Variants in SRGAP3 observed in about 807,000 individuals in gnomAD.
The protein encoded by SRGAP3 is SLIT-ROBO Rho GTPase activating protein 3, also known as SLIT-ROBO Rho GTPase-activating protein 3.
In SRGAP3, 39 loss-of-function variants were observed where a neutral mutation model predicts 121.1. The ratio of observed to expected loss-of-function variants is 0.32; its 90% CI spans 0.25 to 0.42. The LOEUF is 0.42. Among genes scored for constraint, SRGAP3 ranks in the 10% least tolerant of loss-of-function variants. SRGAP3 has a pLI of 1.00. For missense variants in SRGAP3, 1,213 were observed against 1,470.6 expected (o/e 0.82, Z 2.86); for synonymous variants, 601 against 570.0 (o/e 1.05, Z -0.77).
intron 1 of SRGAP3, among the ~76,000 whole-genome samples, chr3:9,148,996 A>T (rs1950118221): frequency 6.6e-6 from 1 of 152,090 alleles, no homozygotes; most frequent in African/African-American, 2.4e-5. Flanking sequence ...CAGGCAGATC[A>T]CAAGGTCGGG....
chr3:9,109,028 G>A lies in SRGAP3; in HGVS notation c.261-4186C>T, dbSNP rs1453090944. Among the ~76,000 whole-genome samples, 8 of 152,210 alleles carry A rather than the reference G, an allele frequency of 5.3e-5. No individual in the cohort carries two copies. The highest frequency in any genetic ancestry group is 7.4e-5 in the Non-Finnish European group (5 of 68,022). On this transcript the variant is annotated intron_variant, in intron 2 of 21. Transcript: ENST00000383836. The surrounding 1 kb of genome is among the most constrained non-coding windows in gnomAD (Gnocchi z 4.4). ...AACTGAGATAAGAACTGCAAGGGGAGCAGTAGGTTTGGACAGAAAATGCAT... is the reference window on the plus strand; with the variant it reads ...AACTGAGATAAGAACTGCAAGGGGAACAGTAGGTTTGGACAGAAAATGCAT...
At chr3:9,110,374 T>G (rs1560169857) in intron 2 of SRGAP3, among the ~76,000 whole-genome samples, 1 of 152,138 alleles carries the variant, frequency 6.6e-6, no homozygotes, top group Non-Finnish European at 1.5e-5. Flanking sequence ...TGGAGCTATC[T>G]GGGCTGGAGA....
At chr3:9,230,141 C>T (rs972507518) in intron 1 of SRGAP3, among the ~76,000 whole-genome samples, 12 of 152,210 alleles carry the variant, frequency 7.9e-5, no homozygotes, top group African/African-American at 2.9e-4. Flanking sequence ...GAGTGCCAGG[C>T]ACTGTGCTAA....
chr3:9,175,690 C>T (rs1248559911), intron 1 of SRGAP3, among the ~76,000 whole-genome samples: 1 of 152,230 alleles, frequency 6.6e-6, no homozygotes, highest in Admixed American at 6.5e-5. Flanking sequence ...GGAGTTGAGC[C>T]TGTGCCAGGT....
intron 1 of SRGAP3, among the ~76,000 whole-genome samples, chr3:9,192,076 T>C (rs1042956001): frequency 6.6e-6 from 1 of 152,188 alleles, no homozygotes; most frequent in East Asian, 1.9e-4. Context: ...TATTCCTTTA[T>C]AGCAATGCAA....
chr3:8,985,506 C>A lies in SRGAP3; in HGVS notation c.*13G>T, dbSNP rs1219413773. On this transcript the variant is annotated 3_prime_UTR_variant, in exon 22 of 22. Coordinates refer to ENST00000383836, the MANE Select transcript of SRGAP3 (RefSeq NM_014850.4). This position sits in a 1 kb window ranked among gnomAD's most constrained non-coding sequence, Gnocchi z 5.1. ...GCCACAGCGGGCCACGGCGGCGCGG[C>A]CCATCCTGCAGGTCACATGGTGCCC... 3 of 1,598,348 alleles carry A rather than the reference C, an allele frequency of 1.9e-6. No individual in the cohort carries two copies. The highest frequency in any genetic ancestry group is 2.7e-5 in the African/African-American group (2 of 74,962).
chr3:9,336,827 C>A (rs531694091), intron 1 of SRGAP3, among the ~76,000 whole-genome samples: 2 of 152,206 alleles, frequency 1.3e-5, no homozygotes, highest in South Asian at 4.1e-4. Flanking sequence ...AGAAACAGAA[C>A]CAATAAAATG....
chr3:9,015,997 G>A (rs1329868194), intron 14 of SRGAP3: 1 of 501,834 alleles, frequency 2.0e-6, no homozygotes. Flanking sequence ...TGCCACATTT[G>A]ATTTCTCGCT....
At chr3:9,020,837 G>A (rs1043540200) in intron 14 of SRGAP3, among the ~76,000 whole-genome samples, 1 of 152,332 alleles carries the variant, frequency 6.6e-6, no homozygotes, top group Middle Eastern at 3.4e-3. Context: ...AGGCAAATCT[G>A]AAGGAAAGAC....
intron 1 of SRGAP3, among the ~76,000 whole-genome samples, chr3:9,222,460 T>C (rs368376503): frequency 7.9e-5 from 12 of 152,296 alleles, no homozygotes; most frequent in Admixed American, 5.2e-4. Flanking sequence ...ATAAAATCCA[T>C]GTATTTCTAC....
intron 1 of SRGAP3, among the ~76,000 whole-genome samples, chr3:9,179,417 G>C (rs1211408801): frequency 6.6e-6 from 1 of 152,156 alleles, no homozygotes; most frequent in Non-Finnish European, 1.5e-5. Flanking sequence ...GGAAAGTAGA[G>C]GTAATAATAG....
chr3:9,240,548 C>T (rs1953592463), intron 1 of SRGAP3, among the ~76,000 whole-genome samples: 1 of 152,092 alleles, frequency 6.6e-6, no homozygotes. Flanking sequence ...CATCACACAC[C>T]AGAACAATTC....
At chr3:9,057,546 C>T (rs1945884545) in intron 7 of SRGAP3, among the ~76,000 whole-genome samples, 1 of 152,166 alleles carries the variant, frequency 6.6e-6, no homozygotes, top group African/African-American at 2.4e-5. Flanking sequence ...CTCCTTGCCC[C>T]TCCCCTCCCA....
At chr3:9,290,105 G>A (rs1025720725) in intron 3 of SRGAP3, among the ~76,000 whole-genome samples, 17 of 151,078 alleles carry the variant, frequency 1.1e-4, no homozygotes, top group Non-Finnish European at 2.4e-4. Context: ...AGCAAGACTC[G>A]GTCTTAAAAA....
At chr3:9,276,216 C>A (rs1206735420) in intron 3 of SRGAP3, among the ~76,000 whole-genome samples, 1 of 152,172 alleles carries the variant, frequency 6.6e-6, no homozygotes, top group African/African-American at 2.4e-5. Flanking sequence ...GTCAGCCACT[C>A]TTTAATGGGT....
At chr3:9,290,288 A>G (rs1384240690) in intron 3 of SRGAP3, among the ~76,000 whole-genome samples, 2 of 152,130 alleles carry the variant, frequency 1.3e-5, no homozygotes, top group African/African-American at 4.8e-5. Context: ...GTTGTTTACA[A>G]CAGGAGGATA....
At chr3:9,074,143 G>A (rs1014328547) in intron 4 of SRGAP3, among the ~76,000 whole-genome samples, 1 of 152,210 alleles carries the variant, frequency 6.6e-6, no homozygotes, top group African/African-American at 2.4e-5. Flanking sequence ...AACGAAGGAG[G>A]AGGTGGCTGC....
chr3:9,134,252 C>T (rs1949562845), intron 1 of SRGAP3, among the ~76,000 whole-genome samples: 1 of 152,060 alleles, frequency 6.6e-6, no homozygotes, highest in Non-Finnish European at 1.5e-5. Context: ...ATCTTTGGAC[C>T]CTGTCCTGAA....
chr3:9,045,710 C>T (rs986067781), intron 10 of SRGAP3, among the ~76,000 whole-genome samples: 20 of 152,292 alleles, frequency 1.3e-4, no homozygotes, highest in African/African-American at 4.3e-4. Context: ...ACCAAGAAGG[C>T]GTGGGCAGGC....
Sources: allele counts gnomAD v4.1 joint callset (sites outside exome capture counted in the v4.1 genomes callset), GRCh38; gene constraint gnomAD v4.1.1; non-coding constraint Gnocchi (gnomAD v3.1); transcripts MANE v1.5; gene names NCBI Gene and HGNC (gene_info 2026-07-23, HGNC 2026-07-21).